Variants in CAB39L observed in about 807,000 individuals in gnomAD.
CAB39L encodes the protein calcium binding protein 39 like.
A neutral mutation model predicts 39.1 loss-of-function variants in CAB39L; 23 were observed. The ratio of observed to expected loss-of-function variants is 0.59; its 90% CI spans 0.42 to 0.83. The LOEUF (loss-of-function observed/expected upper bound fraction) is 0.83, where lower values mean the gene tolerates loss of function less well. Ranked by LOEUF, CAB39L falls within the 40% of genes least tolerant of loss-of-function variation. The probability of loss-of-function intolerance (pLI) is 0.00; values close to 1 mark genes in which losing one functional copy is unlikely to be tolerated. For missense variants in CAB39L, 366 were observed against 391.9 expected (o/e 0.93, Z 0.56); for synonymous variants, 126 against 137.2 (o/e 0.92, Z 0.57).
chr13:49,355,648 C>G (rs1166292064), intron 6 of CAB39L, among the ~76,000 whole-genome samples: 2 of 151,900 alleles, frequency 1.3e-5, no homozygotes, highest in African/African-American at 2.4e-5. Flanking sequence ...GAAGGGGCCA[C>G]AGATGGCCAA....
At position 49,310,703 on chromosome 13, in the gene CAB39L, G is replaced by GA; in HGVS notation, c.*110dup. 3.6e-6 allele frequency: 4 copies of GA among 1,112,490 alleles called. No homozygotes were observed. The highest frequency in any genetic ancestry group is 2.4e-5 in the Admixed American group (1 of 42,140). The allele number at this position is 1,112,490 out of a possible 1,614,324, so 68.9% of individuals were successfully genotyped here. A position where few individuals can be genotyped will look rare whatever the true frequency, so the allele number is the denominator to read the frequency against. ...CCATCTACCCAGAACAATTACAGCA[G>GA]AAAAAATAGGCACCTCCAAAGTCTT... On this transcript the variant is annotated 3_prime_UTR_variant, in exon 11 of 11. Transcript: ENST00000409308.
At chr13:49,342,936 G>C (rs1566076834) in intron 8 of CAB39L, among the ~76,000 whole-genome samples, 1 of 151,890 alleles carries the variant, frequency 6.6e-6, no homozygotes, top group Non-Finnish European at 1.5e-5. Flanking sequence ...TTCGTATGTT[G>C]GGTTAAATAG....
chr13:49,433,410 C>A lies in CAB39L; in HGVS notation c.-107-17G>T. ...CCACAGCTTCTGACAAAAAGAAAAGCTTTAAAATTAATTTTTAAAGTCTTT... is the reference window on the plus strand; with the variant it reads ...CCACAGCTTCTGACAAAAAGAAAAGATTTAAAATTAATTTTTAAAGTCTTT... On this transcript the variant is annotated splice_polypyrimidine_tract_variant and intron_variant, in intron 2 of 10. Transcript: ENST00000409308. 2.2e-6 allele frequency: 1 copy of A among 449,338 alleles called. No homozygotes were observed. Among genetic ancestry groups the A allele is most frequent in the Non-Finnish European group, 4.4e-6 (1 of 225,078 alleles). The allele number at this position is 449,338 out of a possible 1,614,324, so 27.8% of individuals were successfully genotyped here. A position where few individuals can be genotyped will look rare whatever the true frequency, so the allele number is the denominator to read the frequency against.
At chr13:49,329,839 A>G (rs1043849091) in intron 10 of CAB39L, among the ~76,000 whole-genome samples, 9 of 152,234 alleles carry the variant, frequency 5.9e-5, no homozygotes, top group Middle Eastern at 6.8e-3. Flanking sequence ...TTAAAAATGT[A>G]ACCTTGAAGC....
At chr13:49,442,718 G>A (rs1236297684) in intron 1 of CAB39L, among the ~76,000 whole-genome samples, 1 of 145,268 alleles carries the variant, frequency 6.9e-6, no homozygotes. Context: ...CTTGAACCAC[G>A]GAGGCAGAGT....
intron 1 of CAB39L, among the ~76,000 whole-genome samples, chr13:49,442,907 GT>G (rs1177368743): frequency 6.6e-6 from 1 of 150,986 alleles, no homozygotes; most frequent in Non-Finnish European, 1.5e-5. Context: ...TTGTTCATCA[GT>G]TAATCTTGAA....
chr13:49,415,314 A>C (rs1186537448), intron 3 of CAB39L, among the ~76,000 whole-genome samples: 1 of 152,096 alleles, frequency 6.6e-6, no homozygotes, highest in Non-Finnish European at 1.5e-5. Flanking sequence ...CAAGAGTTCA[A>C]GACCAGCCTG....
chr13:49,393,563 T>C (rs1330097554), intron 3 of CAB39L, among the ~76,000 whole-genome samples: 1 of 151,992 alleles, frequency 6.6e-6, no homozygotes, highest in African/African-American at 2.4e-5. Flanking sequence ...AGATTTGTGA[T>C]GGTTTAACTT....
intron 10 of CAB39L, among the ~76,000 whole-genome samples, chr13:49,326,456 C>T (rs971156475): frequency 2.6e-5 from 4 of 152,174 alleles, no homozygotes; most frequent in South Asian, 2.1e-4. Context: ...GTAGGAAGCA[C>T]GTGCTGAGCC....
chr13:49,376,184 T>C (rs1047828036), intron 5 of CAB39L, among the ~76,000 whole-genome samples: 3 of 152,228 alleles, frequency 2.0e-5, no homozygotes, highest in African/African-American at 7.2e-5. Flanking sequence ...ATATCTCCTC[T>C]ATCTCTGAGA....
chr13:49,376,947 T>C lies in CAB39L; in HGVS notation c.276+20A>G, dbSNP rs55902900. On this transcript the variant is annotated intron_variant, in intron 5 of 10. Transcript: ENST00000409308. ...TTAAAATTGAAAAGCACCACTGACA[T>C]CCTTTTACAGCTGGCTTACCTCAAA... 0.028 allele frequency: 42,754 copies of C among 1,548,636 alleles called. 1,695 individuals carry two copies. Among genetic ancestry groups the C allele is most frequent in the African/African-American group, 0.17 (11,032 of 66,012 alleles).
intron 3 of CAB39L, among the ~76,000 whole-genome samples, chr13:49,400,738 G>A (rs1030387808): frequency 2.0e-5 from 3 of 151,126 alleles, no homozygotes; most frequent in Non-Finnish European, 4.4e-5. Context: ...ATACAAAACA[G>A]TGATAATTCA....
chr13:49,381,206 G>A (rs1956246868), intron 4 of CAB39L, among the ~76,000 whole-genome samples: 3 of 152,190 alleles, frequency 2.0e-5, no homozygotes. Context: ...GGGATTACAG[G>A]CGTGAGCCAC....
At chr13:49,390,608 T>C (rs1956467908) in intron 3 of CAB39L, among the ~76,000 whole-genome samples, 2 of 152,168 alleles carry the variant, frequency 1.3e-5, no homozygotes, top group South Asian at 4.1e-4. Context: ...ATTATATTTA[T>C]ATAACCAAAA....
At chr13:49,377,886 GCC>G (rs1956126341) in intron 4 of CAB39L, among the ~76,000 whole-genome samples, 1 of 82,630 alleles carries the variant, frequency 1.2e-5, no homozygotes. Context: ...CCGCCCGGCC[GCC>G]ATCCCATCTA....
chr13:49,437,528 G>A (rs1239945366), intron 1 of CAB39L, among the ~76,000 whole-genome samples: 2 of 151,930 alleles, frequency 1.3e-5, no homozygotes, highest in Non-Finnish European at 2.9e-5. Context: ...CTCTATCCAG[G>A]GTGGGGCTTT....
chr13:49,409,847 A>C (rs1200620923), intron 3 of CAB39L, among the ~76,000 whole-genome samples: 3 of 151,564 alleles, frequency 2.0e-5, no homozygotes, highest in Non-Finnish European at 4.4e-5. Flanking sequence ...AGGAAGTAGG[A>C]GGATCCCTTG....
chr13:49,353,812 C>T (rs1329121383), intron 6 of CAB39L, among the ~76,000 whole-genome samples: 1 of 152,066 alleles, frequency 6.6e-6, no homozygotes, highest in African/African-American at 2.4e-5. Flanking sequence ...CTCCTCTCCT[C>T]CCCTATCCCC....
chr13:49,335,160 A>C (rs1954815386), intron 9 of CAB39L, among the ~76,000 whole-genome samples: 1 of 152,226 alleles, frequency 6.6e-6, no homozygotes, highest in Non-Finnish European at 1.5e-5. Context: ...TCTTCTAAAG[A>C]TATATACAAA....
Sources: allele counts gnomAD v4.1 joint callset (sites outside exome capture counted in the v4.1 genomes callset), GRCh38; gene constraint gnomAD v4.1.1; transcripts MANE v1.5; gene names NCBI Gene and HGNC (gene_info 2026-07-23, HGNC 2026-07-21).